The following ATP6V1C2 variants were observed in gnomAD, a reference collection of about 807,000 sequenced individuals.
ATP6V1C2 encodes V-type proton ATPase subunit C 2.
ATP6V1C2 carries 45 observed loss-of-function variants against 56.8 expected under a neutral mutation model. That is an observed-to-expected ratio of 0.79 (90% confidence interval 0.62 to 1.02). The LOEUF is 1.02. Ranked by LOEUF, ATP6V1C2 falls within the 50% of genes least tolerant of loss-of-function variation. The pLI, the probability that ATP6V1C2 is intolerant of heterozygous loss-of-function variation, is 0.00. For missense variants in ATP6V1C2, 463 were observed against 519.7 expected (o/e 0.89, Z 1.06); for synonymous variants, 220 against 201.3 (o/e 1.09, Z -0.79).
intron 4 of ATP6V1C2, among the ~76,000 whole-genome samples, chr2:10,759,149 A>G (rs1663740236): frequency 1.3e-5 from 2 of 152,196 alleles, no homozygotes; most frequent in Non-Finnish European, 2.9e-5. Context: ...AGCCGGTCAG[A>G]CCTGGTCCAA....
chr2:10,775,187 T>A, intron 10 of ATP6V1C2, 116 bp downstream of exon 10: 2 of 803,556 alleles, frequency 2.5e-6, no homozygotes, highest in Non-Finnish European at 4.2e-6. Flanking sequence ...GCTCCTGGGC[T>A]CACACCATGG....
chr2:10,758,541 G>T (rs986091146), intron 4 of ATP6V1C2, among the ~76,000 whole-genome samples: 1 of 152,092 alleles, frequency 6.6e-6, no homozygotes. Context: ...CCCTGTGGTT[G>T]TGCCTGTCCA....
At chr2:10,736,828 G>T (rs1223439261) in intron 3 of ATP6V1C2, among the ~76,000 whole-genome samples, 1 of 123,806 alleles carries the variant, frequency 8.1e-6, no homozygotes, top group Non-Finnish European at 1.6e-5. Flanking sequence ...TTTCTGACAA[G>T]CTCGAACTCC....
At position 10,732,243 on chromosome 2, in the gene ATP6V1C2, C is replaced by T. The variant is rs1661992113; in HGVS notation, c.197+5674C>T. On this transcript the variant is annotated intron_variant, in intron 3 of 13. Coordinates refer to ENST00000272238, the MANE Select transcript of ATP6V1C2 (RefSeq NM_001039362.2). ...CATCCCTCCCTCTCCCTCTCTCTCT[C>T]TCTTTCTCTCACTCTTTCTCTCTTT... 2.6e-5 allele frequency among the ~76,000 whole-genome samples: 4 copies of T among 151,940 alleles called. No individual in the cohort carries two copies. The South Asian group carries it at 8.3e-4, about 32-fold the overall frequency.
At position 10,764,396 on chromosome 2, in the gene ATP6V1C2, C is replaced by T. The variant is rs772667434; in HGVS notation, c.349C>T (p.Leu117Phe). The part of the protein sequence containing the change: ...DMAKYPVKQP[L>F]VSVVDTIAKQ... Reference sequence around the variant, plus strand: ...GGCCAAATATCCTGTCAAGCAGCCGCTCGTGAGTGTGGTGGACACAATAGC... The same window carrying T: ...GGCCAAATATCCTGTCAAGCAGCCGTTCGTGAGTGTGGTGGACACAATAGC... Residue 117 changes from leucine to phenylalanine, a missense_variant, in exon 5 of 14, where the codon CTC (leucine) becomes TTC (phenylalanine). By Grantham distance (22) the Leu-to-Phe change is conservative. Coordinates refer to ENST00000272238, the MANE Select transcript of ATP6V1C2 (RefSeq NM_001039362.2). 8.7e-6 allele frequency: 14 copies of T among 1,614,126 alleles called. No individual in the cohort carries two copies. The East Asian group carries it at 1.6e-4, about 18-fold the overall frequency.
At chr2:10,726,452 A>G in intron 2 of ATP6V1C2, 50 bp from the exon 3 acceptor site, 1 of 1,446,696 alleles carries the variant, frequency 6.9e-7, no homozygotes, top group Non-Finnish European at 9.7e-7. Context: ...AGATGGCATC[A>G]TGCTTGGCCA....
At chr2:10,761,690 A>G (rs1168317472) in intron 4 of ATP6V1C2, among the ~76,000 whole-genome samples, 1 of 152,150 alleles carries the variant, frequency 6.6e-6, no homozygotes, top group Non-Finnish European at 1.5e-5. Context: ...GCATCGTCCC[A>G]TGGCCTTTCC....
At chr2:10,762,649 C>T (rs74832849) in intron 4 of ATP6V1C2, among the ~76,000 whole-genome samples, 1,566 of 152,220 alleles carry the variant, frequency 0.01, 10 homozygotes, top group Non-Finnish European at 0.017. Context: ...GACCTGTCCA[C>T]CCACATGTCA....
intron 3 of ATP6V1C2, among the ~76,000 whole-genome samples, chr2:10,753,428 C>T (rs74666988): frequency 0.019 from 2,939 of 152,204 alleles, 190 homozygotes; most frequent in East Asian, 0.18. Flanking sequence ...CTGTCAGCAG[C>T]GTGCTGTGAA....
intron 3 of ATP6V1C2, among the ~76,000 whole-genome samples, chr2:10,746,646 A>G (rs1015876865): frequency 7.2e-5 from 11 of 152,142 alleles, no homozygotes; most frequent in African/African-American, 2.6e-4. Flanking sequence ...TCTTGACCTC[A>G]TGATCCACCC....
intron 5 of ATP6V1C2, chr2:10,768,284 T>C (rs1275524369): frequency 5.8e-6 from 1 of 173,408 alleles, no homozygotes; most frequent in African/African-American, 2.4e-5. Context: ...TTCTGTCCAC[T>C]GCACCTCCCT....
intron 2 of ATP6V1C2, among the ~76,000 whole-genome samples, chr2:10,724,380 AG>A (rs1324794650): frequency 6.6e-6 from 1 of 152,192 alleles, no homozygotes; most frequent in Admixed American, 6.5e-5. Context: ...CTCTGGGGAC[AG>A]GCTGGGAGAG....
Position 10,768,817 on chromosome 2 carries a change from AT to A in ATP6V1C2, c.470+10del, listed in dbSNP as rs767594154. On this transcript the variant is annotated splice_region_variant and intron_variant, in intron 6 of 13. Transcript: ENST00000272238. ...ACCTGGAAAAGAAATCCATGTGTGT[AT>A]TTGCCAGCCTCCACATCTGGCGGGG... The A allele has an allele frequency of 2.5e-6, 4 of 1,612,908 alleles. No homozygotes were observed. The South Asian group carries it at 4.4e-5, about 18-fold the overall frequency.
intron 2 of ATP6V1C2, among the ~76,000 whole-genome samples, chr2:10,724,937 CTG>C (rs1661559817): frequency 6.6e-6 from 1 of 152,124 alleles, no homozygotes; most frequent in Admixed American, 6.6e-5. Flanking sequence ...GTGTGAGCCA[CTG>C]TGCCCAGCCT....
rs759949312 is a variant in ATP6V1C2 at position 10,775,027 on chromosome 2, A to G, written c.781A>G (p.Arg261Gly). 4 of 1,614,132 alleles carry G rather than the reference A, an allele frequency of 2.5e-6. No homozygotes were observed. In the South Asian group the frequency reaches 4.4e-5, roughly 18 times the overall value. ...TGATGAGAAGGAAATTGAAAGGGAA[A>G]GGGAGGAGATGGCCAGATTGCTGTC... The part of the protein sequence containing the change: ...YYDEKEIERE[R>G]EEMARLLSDK... Residue 261 changes from arginine (R) to glycine (G), a missense_variant, in exon 10 of 14, where the codon AGG becomes GGG. Physicochemically the swap from Arg to Gly is moderately radical, Grantham distance 125 (BLOSUM62 -2). Transcript: ENST00000272238.
At chr2:10,772,411 A>C (rs963239961) in intron 7 of ATP6V1C2, 131 bp from the exon 8 acceptor site, 1 of 784,000 alleles carries the variant, frequency 1.3e-6, no homozygotes, top group Non-Finnish European at 2.3e-6. Context: ...AGGGGAGGTG[A>C]GGGCTCCCTC....
Position 10,782,125 on chromosome 2 carries a change from T to C in ATP6V1C2, c.1062-118T>C, listed in dbSNP as rs193213878. 1.3e-5 allele frequency: 16 copies of C among 1,241,838 alleles called. No homozygotes were observed. The Admixed American group carries it at 3.3e-4, about 25-fold the overall frequency. The allele number at this position is 1,241,838 out of a possible 1,614,324, so 76.9% of individuals were successfully genotyped here. A position where few individuals can be genotyped will look rare whatever the true frequency, so the allele number is the denominator to read the frequency against. ...TAGGCATTTTGCTCGAGTTTGACTT[T>C]ATGAAGCTGTGTTGGTTGAAGCTTT... On this transcript the variant is annotated intron_variant, in intron 12 of 13. Coordinates refer to ENST00000272238, the MANE Select transcript of ATP6V1C2 (RefSeq NM_001039362.2).
At chr2:10,772,730 C>T (rs1039898580) in intron 8 of ATP6V1C2, 120 bp downstream of exon 8, 6 of 837,968 alleles carry the variant, frequency 7.2e-6, no homozygotes, top group Non-Finnish European at 1.2e-5. Flanking sequence ...ACACCTGGGC[C>T]CTCTCCTGTC....
At chr2:10,782,573 C>CT (rs1403330084) in intron 13 of ATP6V1C2, among the ~76,000 whole-genome samples, 198 bp downstream of exon 13, 1 of 152,098 alleles carries the variant, frequency 6.6e-6, no homozygotes, top group African/African-American at 2.4e-5. Flanking sequence ...TGGCTCACGC[C>CT]TGTAATCCCA....
Sources: gnomAD v4.1 joint callset for allele counts (sites outside exome capture counted in the v4.1 genomes callset) on GRCh38, gnomAD v4.1.1 for gene constraint, MANE v1.5 for transcripts, NCBI Gene and HGNC (gene_info 2026-07-23, HGNC 2026-07-21) for gene names.